LRRK1: variants seen among roughly 807,000 people sequenced by gnomAD.
LRRK1 encodes leucine rich repeat kinase 1.
LRRK1 carries 113 observed loss-of-function variants against 209.1 expected under a neutral mutation model. That is an observed-to-expected ratio of 0.54 (90% CI 0.46 to 0.63). The LOEUF (loss-of-function observed/expected upper bound fraction) is 0.63, where lower values mean the gene tolerates loss of function less well. Ranked by LOEUF, LRRK1 falls within the 30% of genes least tolerant of loss-of-function variation. The pLI, the probability that LRRK1 is intolerant of heterozygous loss-of-function variation, is 0.00. For synonymous variants in LRRK1, 1,144 were observed against 1,099.7 expected, an observed-to-expected ratio of 1.04 and a Z score of -0.80; for missense variants, 2,284 against 2,632.2, an observed-to-expected ratio of 0.87 and a Z score of 2.89.
At chr15:101,060,626 CTCCTCTGCCATGCAGTG>C (rs2036111873) in intron 29 of LRRK1, among the ~76,000 whole-genome samples, 1 of 152,246 alleles carries the variant, frequency 6.6e-6, no homozygotes, top group Non-Finnish European at 1.5e-5. Flanking sequence ...CAGCTTCAGC[CTCCTCTGCCATGCAGTG>C]AGTGCTCAGG....
intron 2 of LRRK1, among the ~76,000 whole-genome samples, chr15:100,945,280 AAC>A (rs988925393): frequency 6.6e-6 from 1 of 152,042 alleles, no homozygotes; most frequent in African/African-American, 2.4e-5. Context: ...AATCCCTGAA[AAC>A]ATGTGTGCGT....
In LRRK1 at chr15:101,070,007, G is replaced by C. The variant is rs758057907; in HGVS notation, c.*1159G>C. The C allele has an allele frequency of 1.3e-5, 2 of 152,250 alleles. No individual in the cohort carries two copies. Among genetic ancestry groups the C allele is most frequent in the Non-Finnish European group, 2.9e-5 (2 of 68,050 alleles). 9.4% of individuals were successfully genotyped at this position (152,250 alleles called of 1,614,324 possible). On this transcript the variant is annotated 3_prime_UTR_variant, in exon 34 of 34. Coordinates refer to ENST00000388948, the MANE Select transcript of LRRK1 (RefSeq NM_024652.6). ...AGAGATCATACTCCAGCTGAAGTTT[G>C]TTGACCCTTTTCTAAAATTAAAAAG...
chr15:100,956,492 G>T (rs1596195820), intron 2 of LRRK1, among the ~76,000 whole-genome samples: 1 of 54,846 alleles, frequency 1.8e-5, no homozygotes, highest in Non-Finnish European at 2.9e-5. Context: ...ATCTCACTCT[G>T]TCACCCCCAG....
chr15:101,049,671 A>G lies in LRRK1; in HGVS notation c.3327A>G (p.Lys1109=), dbSNP rs769397889. The G allele has an allele frequency of 1.9e-6, 3 of 1,614,080 alleles. No individual in the cohort carries two copies. Among genetic ancestry groups the G allele is most frequent in the African/African-American group, 1.3e-5 (1 of 75,058 alleles). ...LSVESSDVNW[K]KKKSGGMKIV... is the part of the protein sequence containing the mutation. The stretch of plus-strand genomic sequence containing the variant: ...TGGAATCTTCCGACGTGAACTGGAA[A>G]AAGAAGAAAAGCGGAGGAATGAAAA... Residue 1109 remains lysine (K), a synonymous_variant, in exon 23 of 34, where the codon AAA becomes AAG. Coordinates refer to ENST00000388948, the MANE Select transcript of LRRK1 (RefSeq NM_024652.6).
chr15:100,924,822 A>C lies in LRRK1; in HGVS notation c.97+93A>C, dbSNP rs114923655. 1,978 of 826,140 alleles carry C rather than the reference A, an allele frequency of 2.4e-3. 32 individuals carry two copies. The African/African-American group carries it at 0.03, about 12-fold the overall frequency. 51.2% of individuals were successfully genotyped at this position (826,140 alleles called of 1,614,324 possible). A position where few individuals can be genotyped will look rare whatever the true frequency, so the allele number is the denominator to read the frequency against. ...GGCTATGTAAGAACAAGGAGTTCTC[A>C]ACCAGTGGAAATCAAATGTCCATCA... On this transcript the variant is annotated intron_variant, in intron 2 of 33. Transcript: ENST00000388948.
chr15:101,066,145 T>A lies in LRRK1; in HGVS notation c.5708T>A (p.Phe1903Tyr). 6.2e-7 allele frequency: 1 copy of A among 1,613,924 alleles called. No individual in the cohort carries two copies. The highest frequency in any genetic ancestry group is 8.5e-7 in the Non-Finnish European group (1 of 1,179,990). Residue 1903 changes from phenylalanine to tyrosine, a missense_variant, in exon 32 of 34, where the codon TTC becomes TAC. Phe to Tyr is a conservative substitution (Grantham distance 22). Coordinates refer to ENST00000388948, the MANE Select transcript of LRRK1 (RefSeq NM_024652.6). ...CTGACCCCCATGGACGGGGAGACCTTCAGCCAGCACCTGCAGGCCGTGAAG... is the reference window on the plus strand; with the variant it reads ...CTGACCCCCATGGACGGGGAGACCTACAGCCAGCACCTGCAGGCCGTGAAG... ...HDLTPMDGET[F>Y]SQHLQAVKIL...
chr15:100,939,348 G>C (rs1395667956), intron 2 of LRRK1, among the ~76,000 whole-genome samples: 1 of 152,062 alleles, frequency 6.6e-6, no homozygotes, highest in Non-Finnish European at 1.5e-5. Context: ...CTGGATTTTT[G>C]GCAATTGCAT....
rs1427157033 is a variant in LRRK1, at chr15:101,076,934, T to C, written c.*8086T>C. On this transcript the variant is annotated 3_prime_UTR_variant, in exon 34 of 34. Transcript: ENST00000388948. ...CCTCGGTTTGGCCTTCCCACCTCTA[T>C]ACTGTCTGATAACAGACCAGCCTTT... 6.6e-6 allele frequency: 1 copy of C among 152,268 alleles called. No individual in the cohort carries two copies. The highest frequency in any genetic ancestry group is 1.5e-5 in the Non-Finnish European group (1 of 68,054). 9.4% of individuals were successfully genotyped at this position (152,268 alleles called of 1,614,324 possible).
In LRRK1 at chr15:100,962,802, T is replaced by TATACATATATATATATATATATAC. The variant is rs1245903596; in HGVS notation, c.98-10999_98-10998insCATATATATATATATATATACATA. On this transcript the variant is annotated intron_variant, in intron 2 of 33. Transcript: ENST00000388948. ...TAAATTATTTCATTTTGCATATATATATATATATATATATATATATATTTT... is the reference window on the plus strand; with the variant it reads ...TAAATTATTTCATTTTGCATATATATATACATATATATATATATATATACATATATATATATATATATATATTTT... 1.3e-3 allele frequency among the ~76,000 whole-genome samples: 24 copies of TATACATATATATATATATATATAC among 18,130 alleles called. 5 individuals carry two copies. Among genetic ancestry groups the TATACATATATATATATATATATAC allele is most frequent in the African/African-American group, 3.1e-3 (24 of 7,844 alleles). 11.9% of individuals were successfully genotyped at this position (18,130 alleles called of 152,430 possible). A position where few individuals can be genotyped will look rare whatever the true frequency, so the allele number is the denominator to read the frequency against.
At chr15:101,013,152 G>A (rs2033354850) in intron 10 of LRRK1, among the ~76,000 whole-genome samples, 1 of 152,138 alleles carries the variant, frequency 6.6e-6, no homozygotes, top group African/African-American at 2.4e-5. Flanking sequence ...CTGGGAAGGG[G>A]TGGGTGGGTA....
intron 23 of LRRK1, among the ~76,000 whole-genome samples, chr15:101,051,182 T>C (rs4965777): frequency 0.99 from 150,697 of 152,370 alleles, 74,546 homozygotes; most frequent in East Asian, 1. Flanking sequence ...CCACAGGGCA[T>C]CTTGGAGGGT....
intron 13 of LRRK1, among the ~76,000 whole-genome samples, chr15:101,021,505 G>T (rs1385371529): frequency 2.0e-5 from 3 of 152,180 alleles, no homozygotes; most frequent in African/African-American, 7.2e-5. Context: ...AAAGCTTGAT[G>T]AGAGTGTAAA....
At chr15:101,034,848 T>G (rs1314382051) in intron 20 of LRRK1, among the ~76,000 whole-genome samples, 1 of 148,334 alleles carries the variant, frequency 6.7e-6, no homozygotes, top group African/African-American at 2.4e-5. Context: ...AATTTGTCTG[T>G]TTTTTTTTCC....
At position 100,973,948 on chromosome 15, in the gene LRRK1, G is replaced by A. The variant is rs1340750957; in HGVS notation, c.242G>A (p.Cys81Tyr). 6.4e-6 allele frequency: 8 copies of A among 1,251,898 alleles called. No homozygotes were observed. Among genetic ancestry groups the A allele is most frequent in the South Asian group, 3.5e-5 (1 of 28,886 alleles). 77.5% of individuals were successfully genotyped at this position (1,251,898 alleles called of 1,614,324 possible). A position where few individuals can be genotyped will look rare whatever the true frequency, so the allele number is the denominator to read the frequency against. ...CTGCTGGAGGAGGCCTGCGACCAGTGCGCGTCCCAGCTGGAAAAGGTAGGG... is the reference window on the plus strand; with the variant it reads ...CTGCTGGAGGAGGCCTGCGACCAGTACGCGTCCCAGCTGGAAAAGGTAGGG... ...RDLLEEACDQ[C>Y]ASQLEKGQLL... The change falls in exon 3 of 34, where the codon TGC (cysteine) becomes TAC (tyrosine). Residue 81 changes from cysteine (C) to tyrosine (Y), a missense_variant. Cys to Tyr is a radical substitution (Grantham distance 194, BLOSUM62 -2). This residue lies in a region of LRRK1 where 174 missense variants were observed against 133.5 expected (regional missense o/e 1.30). Coordinates refer to ENST00000388948, the MANE Select transcript of LRRK1 (RefSeq NM_024652.6).
intron 17 of LRRK1, among the ~76,000 whole-genome samples, chr15:101,026,810 G>A (rs1236324411): frequency 2.0e-5 from 3 of 152,192 alleles, no homozygotes; most frequent in Non-Finnish European, 4.4e-5. Context: ...AGAGCGCCAC[G>A]GGTATTGGTG....
intron 13 of LRRK1, 119 bp downstream of exon 13, chr15:101,021,301 A>T (rs1345776871): frequency 2.0e-5 from 23 of 1,154,088 alleles, no homozygotes; most frequent in Non-Finnish European, 2.7e-5. Context: ...ACTTTCCAAG[A>T]AGCAGTAGTG....
At chr15:101,056,441 A>G (rs11247257) in intron 27 of LRRK1, among the ~76,000 whole-genome samples, 59,483 of 152,008 alleles carry the variant, frequency 0.39, 12,010 homozygotes, top group Non-Finnish European at 0.45. Flanking sequence ...GGATAGATGG[A>G]TGGATGGGAC....
At chr15:101,042,963 G>T (rs957165798) in intron 20 of LRRK1, among the ~76,000 whole-genome samples, 1 of 152,208 alleles carries the variant, frequency 6.6e-6, no homozygotes, top group Non-Finnish European at 1.5e-5. Flanking sequence ...CACACGAGGG[G>T]TGAGACCTGC....
intron 2 of LRRK1, among the ~76,000 whole-genome samples, chr15:100,962,814 T>TATATATACATATATATATATATAC (rs2030120809): frequency 2.9e-5 from 1 of 33,948 alleles, no homozygotes; most frequent in African/African-American, 9.7e-5. Flanking sequence ...TATATATATA[T>TATATATACATATATATATATATAC]ATATATATAT....
Sources: allele counts gnomAD v4.1 joint callset (sites outside exome capture counted in the v4.1 genomes callset), GRCh38; gene constraint gnomAD v4.1.1; regional missense constraint gnomAD v4.1.1; transcripts MANE v1.5; gene names NCBI Gene and HGNC (gene_info 2026-07-23, HGNC 2026-07-21).